The following PLRG1 variants were observed in gnomAD, a reference collection of about 807,000 sequenced individuals.
PLRG1 encodes pleiotropic regulator 1, also known as pleiotropic regulator 1 (PRL1 homolog, Arabidopsis).
PLRG1 carries 28 observed loss-of-function variants against 74.9 expected under a neutral mutation model. The ratio of observed to expected loss-of-function variants is 0.37; its 90% CI spans 0.28 to 0.51. The LOEUF (loss-of-function observed/expected upper bound fraction) is 0.51. Ranked by LOEUF, PLRG1 falls within the 20% of genes least tolerant of loss-of-function variation. The pLI, the probability that PLRG1 is intolerant of heterozygous loss-of-function variation, is 0.91. For missense variants in PLRG1, 445 were observed against 631.9 expected (o/e 0.70, Z 3.17); for synonymous variants, 197 against 212.4 (o/e 0.93, Z 0.63).
At position 154,550,357 on chromosome 4, in the gene PLRG1, A is replaced by C. The variant is rs1560810739; in HGVS notation, c.-49T>G. On this transcript the variant is annotated 5_prime_UTR_variant, in exon 1 of 15. Transcript: ENST00000499023. ...CGGCAGGGAAGAAACTCTAATCACT[A>C]ACGCAGTACCCGCCGCCACAGCTGT... The C allele has an allele frequency of 1.3e-6, 2 of 1,584,862 alleles. No individual in the cohort carries two copies. Among genetic ancestry groups the C allele is most frequent in the Non-Finnish European group, 1.7e-6 (2 of 1,153,746 alleles).
chr4:154,542,815 T>C (rs1270087316), intron 7 of PLRG1, among the ~76,000 whole-genome samples: 1 of 152,142 alleles, frequency 6.6e-6, no homozygotes, highest in Non-Finnish European at 1.5e-5. Flanking sequence ...CTCTCTCATA[T>C]ACGGGAGCTA....
At chr4:154,548,161 A>G (rs1729693333) in intron 2 of PLRG1, among the ~76,000 whole-genome samples, 1 of 152,200 alleles carries the variant, frequency 6.6e-6, no homozygotes, top group Non-Finnish European at 1.5e-5. Flanking sequence ...AAGAAACCTC[A>G]AAGTCAATAT....
At chr4:154,549,559 T>A in intron 1 of PLRG1, 1 of 402,136 alleles carries the variant, frequency 2.5e-6, no homozygotes, top group South Asian at 1.9e-5. Flanking sequence ...GTAGACAAGG[T>A]CCAGATTAGG....
intron 1 of PLRG1, 53 bp downstream of exon 1, chr4:154,550,246 CA>C (rs144000778): frequency 6.2e-5 from 84 of 1,363,090 alleles, no homozygotes; most frequent in Non-Finnish European, 7.9e-5. Context: ...CGCGCACTGC[CA>C]AAAAAAACAG....
At chr4:154,539,307 T>C (rs12642770) in intron 11 of PLRG1, 94 bp from the exon 12 acceptor site, 182,576 of 774,648 alleles carry the variant, frequency 0.24, 25,026 homozygotes, top group East Asian at 0.59. Context: ...AAAACACATA[T>C]GTTCTAAATG....
intron 10 of PLRG1, chr4:154,540,392 A>G: frequency 1.7e-6 from 1 of 594,094 alleles, no homozygotes; most frequent in East Asian, 2.8e-5. Context: ...CAGGGCACTA[A>G]TAACACTAAC....
chr4:154,538,106 TA>T lies in PLRG1; in HGVS notation c.1153del (p.Tyr385ThrfsTer11). ...VRAVVLHPRH[Y>X]TFASGSPDNI... ...ATCTGGAGAACCAGATGCAAATGTG[TA>T]ACTGAAATAATATTAAAAAGAATTA... On this transcript the variant is annotated frameshift_variant and splice_region_variant, in exon 13 of 15. Coordinates refer to ENST00000499023, the MANE Select transcript of PLRG1 (RefSeq NM_002669.4). LOFTEE classifies it high-confidence loss of function. The T allele has an allele frequency of 7.0e-7, 1 of 1,425,426 alleles. No individual in the cohort carries two copies. 88.3% of individuals were successfully genotyped at this position (1,425,426 alleles called of 1,614,324 possible).
At chr4:154,540,192 T>C (rs544648377) in intron 10 of PLRG1, 139 bp from the exon 11 acceptor site, 2 of 611,108 alleles carry the variant, frequency 3.3e-6, no homozygotes, top group South Asian at 2.0e-5. Context: ...AAGTGAAAGA[T>C]AATGATTTAC....
chr4:154,550,329 C>T lies in PLRG1; in HGVS notation c.-21G>A, dbSNP rs201102551. 15 of 1,612,354 alleles carry T rather than the reference C, an allele frequency of 9.3e-6. No homozygotes were observed. The highest frequency in any genetic ancestry group is 1.3e-5 in the Non-Finnish European group (15 of 1,178,348). On this transcript the variant is annotated 5_prime_UTR_variant, in exon 1 of 15. Coordinates refer to ENST00000499023, the MANE Select transcript of PLRG1 (RefSeq NM_002669.4). ...ACCATGATGCTACCGTGTATCCCACCTCCGGCAGGGAAGAAACTCTAATCA... is the reference window on the plus strand; with the variant it reads ...ACCATGATGCTACCGTGTATCCCACTTCCGGCAGGGAAGAAACTCTAATCA...
chr4:154,542,003 T>C (rs544161780), intron 8 of PLRG1, 184 bp downstream of exon 8: 1 of 557,640 alleles, frequency 1.8e-6, no homozygotes, highest in Non-Finnish European at 3.2e-6. Flanking sequence ...GTGGTTTAAA[T>C]AGCACTTTTC....
At chr4:154,541,358 A>G (rs1227246221) in intron 8 of PLRG1, among the ~76,000 whole-genome samples, 1 of 152,174 alleles carries the variant, frequency 6.6e-6, no homozygotes, top group Non-Finnish European at 1.5e-5. Context: ...AGATATTTGT[A>G]AAGGAATGTA....
intron 13 of PLRG1, 94 bp downstream of exon 13, chr4:154,537,875 A>T: frequency 1.4e-6 from 1 of 709,990 alleles, no homozygotes; most frequent in Non-Finnish European, 2.3e-6. Flanking sequence ...TATAATACTT[A>T]AGTGTGACAG....
rs1406287311 is a variant in PLRG1 at position 154,536,756 on chromosome 4, A to G, written c.1486-12T>C. 4.3e-6 allele frequency: 6 copies of G among 1,409,522 alleles called. No homozygotes were observed. The highest frequency in any genetic ancestry group is 5.9e-6 in the Non-Finnish European group (6 of 1,022,604). 87.3% of individuals were successfully genotyped at this position (1,409,522 alleles called of 1,614,324 possible). A position where few individuals can be genotyped will look rare whatever the true frequency, so the allele number is the denominator to read the frequency against. ...TGAGTTTCTTCTGTCTAAAAATAGA[A>G]AAGTGAGTTAAAATAAAGTATTATT... On this transcript the variant is annotated splice_polypyrimidine_tract_variant and intron_variant, in intron 14 of 14. Transcript: ENST00000499023.
rs1729686622 is a variant in PLRG1, at chr4:154,547,797, A to G, written c.173T>C (p.Met58Thr). The G allele has an allele frequency of 6.2e-7, 1 of 1,612,384 alleles. No homozygotes were observed. Among genetic ancestry groups the G allele is most frequent in the Non-Finnish European group, 8.5e-7 (1 of 1,178,622 alleles). ...LRNEYGPVLHMPTSKENLKEK... is the reference protein window; with the variant it reads ...LRNEYGPVLHTPTSKENLKEK... ...TTTAAGATTTTCTTTTGAAGTAGGC[A>G]TATGCAACACAGGACCATACTCATT... The change falls in exon 3 of 15, where the codon ATG becomes ACG. Residue 58 changes from methionine (M) to threonine (T), a missense_variant. Physicochemically the swap from Met to Thr is moderately conservative, Grantham distance 81 (BLOSUM62 -1). Around this residue, in one of 3 missense-constraint regions of PLRG1, gnomAD observed 206 missense variants for 210.8 expected, o/e 0.98. Coordinates refer to ENST00000499023, the MANE Select transcript of PLRG1 (RefSeq NM_002669.4).
intron 12 of PLRG1, 92 bp downstream of exon 12, chr4:154,539,013 G>C (rs546728510): frequency 1.3e-6 from 1 of 771,256 alleles, no homozygotes; most frequent in Admixed American, 1.9e-5. Flanking sequence ...GCAGCTAAAT[G>C]ACTGCCAAAA....
At chr4:154,538,490 G>C (rs932981163) in intron 12 of PLRG1, among the ~76,000 whole-genome samples, 5 of 151,786 alleles carry the variant, frequency 3.3e-5, no homozygotes, top group African/African-American at 1.2e-4. Flanking sequence ...GAGGGCAAGA[G>C]GAAGAGAGAG....
At chr4:154,550,114 G>T (rs1729735064) in intron 1 of PLRG1, among the ~76,000 whole-genome samples, 186 bp downstream of exon 1, 2 of 152,176 alleles carry the variant, frequency 1.3e-5, no homozygotes, top group Non-Finnish European at 2.9e-5. Context: ...CCTCCGACTC[G>T]GGTTCTCATC....
chr4:154,550,266 C>CA, intron 1 of PLRG1, 34 bp downstream of exon 1: 13 of 1,590,926 alleles, frequency 8.2e-6, no homozygotes, highest in Non-Finnish European at 1.1e-5. Context: ...AGTCCAGAGA[C>CA]AAACGACTCT....
intron 7 of PLRG1, among the ~76,000 whole-genome samples, 183 bp from the exon 8 acceptor site, chr4:154,542,462 C>G (rs530684914): frequency 6.6e-6 from 1 of 152,244 alleles, no homozygotes; most frequent in Non-Finnish European, 1.5e-5. Context: ...TGTGGCTCAT[C>G]TATATAATGT....
Sources: allele counts gnomAD v4.1 joint callset (sites outside exome capture counted in the v4.1 genomes callset), GRCh38; gene constraint gnomAD v4.1.1; regional missense constraint gnomAD v4.1.1; transcripts MANE v1.5; gene names NCBI Gene and HGNC (gene_info 2026-07-23, HGNC 2026-07-21).